LIG1: variants seen among roughly 807,000 people sequenced by gnomAD.
The protein encoded by LIG1 is ligase I, DNA, ATP-dependent.
A neutral mutation model predicts 115.7 loss-of-function variants in LIG1; 70 were observed. That is an observed-to-expected ratio of 0.60 (90% CI 0.50 to 0.74). The LOEUF is 0.74. Among genes scored for constraint, LIG1 ranks in the 30% least tolerant of loss-of-function variants. The probability of loss-of-function intolerance (pLI) is 0.00; values close to 1 mark genes in which losing one functional copy is unlikely to be tolerated. For missense variants in LIG1, 1,115 were observed against 1,225.6 expected, an observed-to-expected ratio of 0.91 and a Z score of 1.35; for synonymous variants, 487 against 495.3, an observed-to-expected ratio of 0.98 and a Z score of 0.22.
In LIG1 at chr19:48,146,467, T is replaced by C. The variant is rs144373428; in HGVS notation, c.777-2504A>G. Among the ~76,000 whole-genome samples the C allele has an allele frequency of 2.7e-3, 410 of 152,374 alleles. 10 individuals carry two copies. The highest frequency in any genetic ancestry group is 0.02 in the South Asian group (99 of 4,832). On this transcript the variant is annotated intron_variant, in intron 9 of 27. Transcript: ENST00000263274. Reference sequence around the variant, plus strand: ...TAACGACAAGAAATTCTTTCAGCTTTAACATTTCATGATTAAAGTTTAAGT... The same window carrying C: ...TAACGACAAGAAATTCTTTCAGCTTCAACATTTCATGATTAAAGTTTAAGT...
At chr19:48,125,501 G>A (rs1384115031) in intron 21 of LIG1, among the ~76,000 whole-genome samples, 8 of 147,822 alleles carry the variant, frequency 5.4e-5, no homozygotes, top group East Asian at 4.0e-4. Flanking sequence ...TGGGCCTAAC[G>A]GAGAAAAAAC....
chr19:48,124,395 A>G (rs1427184488), intron 21 of LIG1, among the ~76,000 whole-genome samples: 1 of 152,198 alleles, frequency 6.6e-6, no homozygotes, highest in Non-Finnish European at 1.5e-5. Flanking sequence ...TGTGTACCTC[A>G]GAGCTCCCAT....
chr19:48,123,972 G>C (rs542913830), intron 21 of LIG1, among the ~76,000 whole-genome samples: 3 of 152,314 alleles, frequency 2.0e-5, no homozygotes, highest in African/African-American at 7.2e-5. Flanking sequence ...GACCTTGCAA[G>C]AGTGTGTGTC....
intron 24 of LIG1, among the ~76,000 whole-genome samples, chr19:48,119,609 G>C (rs1207629295): frequency 7.0e-6 from 1 of 143,080 alleles, no homozygotes; most frequent in Non-Finnish European, 1.5e-5. Context: ...TGCAATCTTG[G>C]CTCACTGCAA....
intron 24 of LIG1, 139 bp downstream of exon 24, chr19:48,121,031 G>C: frequency 6.6e-7 from 1 of 1,525,838 alleles, no homozygotes; most frequent in Non-Finnish European, 8.8e-7. Flanking sequence ...ACCAGAAAAA[G>C]TAAATAAAAA....
intron 19 of LIG1, 126 bp from the exon 20 acceptor site, chr19:48,128,146 G>A (rs191791192): frequency 2.7e-6 from 2 of 753,542 alleles, no homozygotes; most frequent in African/African-American, 1.7e-5. Flanking sequence ...AGAGGCAGGT[G>A]CACACAGATG....
In LIG1 at chr19:48,123,475, C is replaced by T. The variant is rs542539719; in HGVS notation, c.2005-157G>A. On this transcript the variant is annotated intron_variant, in intron 21 of 27. Coordinates refer to ENST00000263274, the MANE Select transcript of LIG1 (RefSeq NM_000234.3). Reference sequence around the variant, plus strand: ...GAAGAACCCTGATGTCAGAAGGATTCTGAGAGCTTAAAGCATGGGGCTAGT... The same window carrying T: ...GAAGAACCCTGATGTCAGAAGGATTTTGAGAGCTTAAAGCATGGGGCTAGT... 7.4e-5 allele frequency: 62 copies of T among 833,724 alleles called. No individual in the cohort carries two copies. In the African/African-American group the frequency reaches 9.4e-4, roughly 13 times the overall value. The allele number at this position is 833,724 out of a possible 1,614,324, so 51.6% of individuals were successfully genotyped here. A position where few individuals can be genotyped will look rare whatever the true frequency, so the allele number is the denominator to read the frequency against.
At chr19:48,149,029 G>A (rs1390952886) in intron 9 of LIG1, among the ~76,000 whole-genome samples, 2 of 152,144 alleles carry the variant, frequency 1.3e-5, no homozygotes, top group Admixed American at 6.5e-5. Context: ...GTGAGTTCAG[G>A]CCAGGTGTAC....
chr19:48,166,769 G>A (rs1302261043), intron 1 of LIG1, among the ~76,000 whole-genome samples: 2 of 151,500 alleles, frequency 1.3e-5, no homozygotes, highest in Non-Finnish European at 2.9e-5. Context: ...TCAGGAGTTC[G>A]AGACCAGCCT....
intron 4 of LIG1, among the ~76,000 whole-genome samples, chr19:48,159,316 C>T (rs539226216): frequency 9.2e-5 from 14 of 152,266 alleles, no homozygotes; most frequent in African/African-American, 2.9e-4. Flanking sequence ...GTGATCCACC[C>T]GCCTTGGCCT....
intron 14 of LIG1, among the ~76,000 whole-genome samples, chr19:48,136,585 G>C (rs1341234645): frequency 2.0e-5 from 3 of 152,196 alleles, no homozygotes; most frequent in Non-Finnish European, 1.5e-5. Flanking sequence ...AACAAGACCA[G>C]TCTCACAGAG....
At chr19:48,163,409 A>AG (rs1325110544) in intron 2 of LIG1, among the ~76,000 whole-genome samples, 1 of 151,400 alleles carries the variant, frequency 6.6e-6, no homozygotes, top group Non-Finnish European at 1.5e-5. Context: ...TTAGTAGAGA[A>AG]GGGGTTTCAC....
At chr19:48,162,697 G>A (rs183226473) in intron 2 of LIG1, among the ~76,000 whole-genome samples, 182 of 152,056 alleles carry the variant, frequency 1.2e-3, no homozygotes, top group Non-Finnish European at 1.5e-3. Flanking sequence ...CAATGTGCTG[G>A]GATTACAGGC....
chr19:48,143,927 G>C lies in LIG1; in HGVS notation c.813C>G (p.Asn271Lys). The change falls in exon 10 of 28, where the codon AAC (asparagine) becomes AAG (lysine). Residue 271 changes from asparagine (N) to lysine (K), a missense_variant. Physicochemically the swap from Asn to Lys is moderately conservative, Grantham distance 94. Transcript: ENST00000263274. ...AGGCATCTTCCACGGGATGATAGTT[G>C]TTCTTGGCAGGATTGTAACCAGATG... ...LDPSGYNPAK[N>K]NYHPVEDACW... 6.2e-7 allele frequency: 1 copy of C among 1,614,106 alleles called. No individual in the cohort carries two copies. The highest frequency in any genetic ancestry group is 8.5e-7 in the Non-Finnish European group (1 of 1,179,990).
chr19:48,139,206 A>G (rs2034581381), intron 12 of LIG1, among the ~76,000 whole-genome samples: 1 of 152,184 alleles, frequency 6.6e-6, no homozygotes, highest in Non-Finnish European at 1.5e-5. Context: ...GGGGGCCCAC[A>G]GATAGAGGTT....
intron 7 of LIG1, among the ~76,000 whole-genome samples, chr19:48,150,846 T>TGCC (rs2035426668): frequency 6.6e-6 from 1 of 151,840 alleles, no homozygotes; most frequent in Non-Finnish European, 1.5e-5. Flanking sequence ...TACAGGTACG[T>TGCC]GCCACCACAC....
At position 48,117,720 on chromosome 19, in the gene LIG1, T is replaced by C; in HGVS notation, c.2501A>G (p.His834Arg). 2 of 1,613,000 alleles carry C rather than the reference T, an allele frequency of 1.2e-6. No homozygotes were observed. Among genetic ancestry groups the C allele is most frequent in the East Asian group, 2.2e-5 (1 of 44,856 alleles). ...VRIDGAVIPD[H>R]WLDPSAVWEV... ...CCACACAGCGCTGGGGTCCAGCCAG[T>C]GGTCGGGAATCACAGCGCCATCTAT... is the stretch of plus-strand genomic sequence containing the variant. Residue 834 changes from histidine (H) to arginine (R), a missense_variant, in exon 26 of 28, where the codon CAC (histidine) becomes CGC (arginine). Physicochemically the swap from His to Arg is conservative, Grantham distance 29. Coordinates refer to ENST00000263274, the MANE Select transcript of LIG1 (RefSeq NM_000234.3).
Position 48,123,540 on chromosome 19 carries a change from T to C in LIG1, c.2005-222A>G, listed in dbSNP as rs2033448207. ...CCCGACACCATTTAGAGTCGGTGAC[T>C]TCAGGAGCATCAGACGGGGGGCTGC... On this transcript the variant is annotated intron_variant, in intron 21 of 27. Coordinates refer to ENST00000263274, the MANE Select transcript of LIG1 (RefSeq NM_000234.3). The C allele has an allele frequency of 2.5e-5, 15 of 595,226 alleles. No homozygotes were observed. The South Asian group carries it at 3.0e-4, about 12-fold the overall frequency. 36.9% of individuals were successfully genotyped at this position (595,226 alleles called of 1,614,324 possible).
intron 16 of LIG1, among the ~76,000 whole-genome samples, chr19:48,135,093 CCT>C (rs1364850334): frequency 2.0e-5 from 3 of 152,222 alleles, no homozygotes; most frequent in Non-Finnish European, 4.4e-5. Flanking sequence ...CATGCACAGC[CCT>C]GTCTGGCACT....
Sources: gnomAD v4.1 joint callset for allele counts (sites outside exome capture counted in the v4.1 genomes callset) on GRCh38, gnomAD v4.1.1 for gene constraint, MANE v1.5 for transcripts, NCBI Gene and HGNC (gene_info 2026-07-23, HGNC 2026-07-21) for gene names.